ASPM: variants seen among roughly 807,000 people sequenced by gnomAD.
The protein encoded by ASPM is assembly factor for spindle microtubules.
Under a neutral mutation model 366.4 loss-of-function variants are expected in ASPM, and 256 were observed. That is an observed-to-expected ratio of 0.70 (90% CI 0.63 to 0.77). ASPM has a LOEUF of 0.77. Ranked by LOEUF, ASPM falls within the 30% of genes least tolerant of loss-of-function variation. The probability of loss-of-function intolerance (pLI) is 0.00; values close to 1 mark genes in which losing one functional copy is unlikely to be tolerated. For missense variants in ASPM, 4,146 were observed against 4,090.4 expected (o/e 1.01, Z -0.37); for synonymous variants, 1,414 against 1,342.9 (o/e 1.05, Z -1.16).
In ASPM at chr1:197,142,610, T is replaced by TA; in HGVS notation, c.1641dup (p.Ile548TyrfsTer7). On this transcript the variant is annotated frameshift_variant, in exon 3 of 28. Coordinates refer to ENST00000367409, the MANE Select transcript of ASPM (RefSeq NM_018136.5). LOFTEE classifies it high-confidence loss of function. The stretch of plus-strand genomic sequence containing the variant: ...TTAGATTTACTTAATATTGGATCTA[T>TA]AATTGGAAGATAAGAATGAAAATCT... 1 of 1,612,806 alleles carries TA rather than the reference T, an allele frequency of 6.2e-7. No homozygotes were observed. Among genetic ancestry groups the TA allele is most frequent in the Non-Finnish European group, 8.5e-7 (1 of 1,178,922 alleles).
At chr1:197,086,593 A>G (rs546648254) in intron 27 of ASPM, among the ~76,000 whole-genome samples, 1 of 152,354 alleles carries the variant, frequency 6.6e-6, no homozygotes, top group East Asian at 1.9e-4. Flanking sequence ...AGTTTGTTGA[A>G]TAACTATTAA....
At chr1:197,138,716 AG>A in intron 4 of ASPM, 2 of 669,708 alleles carry the variant, frequency 3.0e-6, no homozygotes, top group Non-Finnish European at 5.4e-6. Context: ...TGTGAATGAT[AG>A]GGCTCTCAAA....
At chr1:197,114,490 T>C (rs1657685482) in intron 17 of ASPM, among the ~76,000 whole-genome samples, 2 of 152,324 alleles carry the variant, frequency 1.3e-5, no homozygotes, top group African/African-American at 4.8e-5. Flanking sequence ...AAAGTAGAGA[T>C]TCTTTTAAAA....
chr1:197,130,312 C>T (rs751080442), intron 7 of ASPM, among the ~76,000 whole-genome samples: 12 of 152,092 alleles, frequency 7.9e-5, no homozygotes, highest in Non-Finnish European at 1.8e-4. Flanking sequence ...GAGCAACATT[C>T]CCATTTTAAT....
Position 197,101,934 on chromosome 1 carries a change from C to T in ASPM, c.7317G>A (p.Arg2439=). Residue 2439 remains arginine, a synonymous_variant, in exon 18 of 28, where the codon AGG becomes AGA. Coordinates refer to ENST00000367409, the MANE Select transcript of ASPM (RefSeq NM_018136.5). ...TGGCACAAATGGTGGCTCGATATTT[C>T]CTCTGAACAAAAATAGTAGCTTTTT... ...SLKKATIFVQ[R]KYRATICAKH... is the part of the protein sequence containing the mutation. 1 of 1,612,708 alleles carries T rather than the reference C, an allele frequency of 6.2e-7. No homozygotes were observed. The highest frequency in any genetic ancestry group is 8.5e-7 in the Non-Finnish European group (1 of 1,179,274).
chr1:197,118,143 G>A (rs1657798057), intron 16 of ASPM, among the ~76,000 whole-genome samples, 160 bp from the exon 17 acceptor site: 1 of 152,066 alleles, frequency 6.6e-6, no homozygotes. Flanking sequence ...ATAATTCCAG[G>A]CATGTCGAAA....
chr1:197,090,012 A>T lies in ASPM; in HGVS notation c.9902T>A (p.Val3301Asp). 1 of 1,613,500 alleles carries T rather than the reference A, an allele frequency of 6.2e-7. No homozygotes were observed. The highest frequency in any genetic ancestry group is 8.5e-7 in the Non-Finnish European group (1 of 1,179,642). Reference sequence around the variant, plus strand: ...ACTGCGATTACAACTTCGGATCAAAACAAATATTTTAGAAATTGCTCCACT... The same window carrying T: ...ACTGCGATTACAACTTCGGATCAAATCAAATATTTTAGAAATTGCTCCACT... ...AQSGAISKIF[V>D]LIRSCNRSIP... Residue 3301 changes from valine to aspartate, a missense_variant, in exon 25 of 28, where the codon GTT (valine) becomes GAT (aspartate). Coordinates refer to ENST00000367409, the MANE Select transcript of ASPM (RefSeq NM_018136.5).
rs1357625635 is a variant in ASPM at position 197,086,170 on chromosome 1, T to C, written c.10331+633A>G. ...CTGTGTAACCACTCAGGTCAAGAAA[T>C]AGTGTGTTGTCAATAATGTAGGATT... is the stretch of plus-strand genomic sequence containing the variant. On this transcript the variant is annotated intron_variant, in intron 27 of 27. Transcript: ENST00000367409. Among the ~76,000 whole-genome samples, 2 of 151,456 alleles carry C rather than the reference T, an allele frequency of 1.3e-5. 1 individual carries two copies. Among genetic ancestry groups the C allele is most frequent in the Non-Finnish European group, 2.9e-5 (2 of 67,900 alleles).
At chr1:197,113,115 A>G in intron 17 of ASPM, among the ~76,000 whole-genome samples, 1 of 152,204 alleles carries the variant, frequency 6.6e-6, no homozygotes, top group East Asian at 1.9e-4. Flanking sequence ...ACACAGGAAC[A>G]GAAAACCAAA....
intron 18 of ASPM, among the ~76,000 whole-genome samples, chr1:197,099,737 C>T (rs1204350678): frequency 6.6e-6 from 1 of 151,730 alleles, no homozygotes; most frequent in Non-Finnish European, 1.5e-5. Context: ...CTAAATTTAA[C>T]AGTAATCCAG....
chr1:197,110,817 C>T (rs1168470384), intron 17 of ASPM, among the ~76,000 whole-genome samples: 5 of 152,014 alleles, frequency 3.3e-5, no homozygotes, highest in Non-Finnish European at 5.9e-5. Context: ...CCTAAAACCA[C>T]CTGATCTTTG....
chr1:197,122,926 G>A (rs1320945020), intron 13 of ASPM, among the ~76,000 whole-genome samples: 1 of 152,138 alleles, frequency 6.6e-6, no homozygotes, highest in African/African-American at 2.4e-5. Context: ...AACAAGCAAT[G>A]AGAGTGGATT....
intron 8 of ASPM, 117 bp from the exon 9 acceptor site, chr1:197,129,434 C>G: frequency 8.7e-7 from 1 of 1,155,996 alleles, no homozygotes; most frequent in Non-Finnish European, 1.2e-6. Context: ...GGGTAGCAAG[C>G]ACAAATAAAA....
At position 197,100,438 on chromosome 1, in the gene ASPM, T is replaced by G; in HGVS notation, c.8813A>C (p.Lys2938Thr). 6.5e-7 allele frequency: 1 copy of G among 1,529,882 alleles called. No individual in the cohort carries two copies. Among genetic ancestry groups the G allele is most frequent in the Non-Finnish European group, 8.8e-7 (1 of 1,129,996 alleles). 94.8% of individuals were successfully genotyped at this position (1,529,882 alleles called of 1,614,324 possible). ...KFQEIKNSTIKIQAMWRRYRA... is the reference protein window; with the variant it reads ...KFQEIKNSTITIQAMWRRYRA... ...AATTAAATATAGAAATACCTGAATT[T>G]TTATGGTGCTATTTTTAATTTCCTG... Residue 2938 changes from lysine (K) to threonine (T), a missense_variant, in exon 18 of 28, where the codon AAA (lysine) becomes ACA (threonine). By Grantham distance (78) the Lys-to-Thr change is moderately conservative. Coordinates refer to ENST00000367409, the MANE Select transcript of ASPM (RefSeq NM_018136.5).
Position 197,124,346 on chromosome 1 carries a change from A to G in ASPM, c.3169-15T>C. 6.8e-7 allele frequency: 1 copy of G among 1,475,710 alleles called. No individual in the cohort carries two copies. Among genetic ancestry groups the G allele is most frequent in the Non-Finnish European group, 9.4e-7 (1 of 1,060,342 alleles). The allele number at this position is 1,475,710 out of a possible 1,614,324, so 91.4% of individuals were successfully genotyped here. On this transcript the variant is annotated splice_polypyrimidine_tract_variant and intron_variant, in intron 12 of 27. Transcript: ENST00000367409. ...GAAATATCCACCTAAAACAAACACA[A>G]AAAAAGATAAATACCTTCATATTTT...
At chr1:197,117,675 A>G (rs1657776804) in intron 17 of ASPM, 114 bp downstream of exon 17, 5 of 915,740 alleles carry the variant, frequency 5.5e-6, no homozygotes, top group African/African-American at 1.7e-5. Context: ...TAAATTAAGT[A>G]TTAGATAAAG....
chr1:197,108,971 C>CAAAAAAA (rs564818123), intron 17 of ASPM, among the ~76,000 whole-genome samples: 2 of 69,742 alleles, frequency 2.9e-5, no homozygotes, highest in East Asian at 4.4e-4. Flanking sequence ...ACCCTGTCTC[C>CAAAAAAA]AAAAAAAAAA....
rs770184114 is a variant in ASPM, at chr1:197,132,243, A to C, written c.2487+42T>G. On this transcript the variant is annotated intron_variant, in intron 7 of 27. Coordinates refer to ENST00000367409, the MANE Select transcript of ASPM (RefSeq NM_018136.5). The stretch of plus-strand genomic sequence containing the variant: ...TGAGTCTATTCTACAAAAAGTATAT[A>C]ATAAAAAAATATTATTTTAGAAACC... The C allele has an allele frequency of 2.8e-6, 4 of 1,444,836 alleles. No individual in the cohort carries two copies. In the East Asian group the frequency reaches 9.9e-5, roughly 36 times the overall value. The allele number at this position is 1,444,836 out of a possible 1,614,324, so 89.5% of individuals were successfully genotyped here. A position where few individuals can be genotyped will look rare whatever the true frequency, so the allele number is the denominator to read the frequency against.
intron 17 of ASPM, among the ~76,000 whole-genome samples, chr1:197,106,310 A>T (rs983930102): frequency 1.3e-5 from 2 of 152,116 alleles, no homozygotes; most frequent in Non-Finnish European, 2.9e-5. Flanking sequence ...GAGATGCACA[A>T]GTTGTCAAAA....
Sources: allele counts gnomAD v4.1 joint callset (sites outside exome capture counted in the v4.1 genomes callset), GRCh38; gene constraint gnomAD v4.1.1; transcripts MANE v1.5; gene names NCBI Gene and HGNC (gene_info 2026-07-23, HGNC 2026-07-21).